RIMS2: variants seen among roughly 807,000 people sequenced by gnomAD.
RIMS2 encodes the protein regulating synaptic membrane exocytosis protein 2.
Under a neutral mutation model 174.4 loss-of-function variants are expected in RIMS2, and 59 were observed. The observed-to-expected ratio is 0.34, with a 90% confidence interval of 0.27 to 0.42. RIMS2 has a LOEUF of 0.42. RIMS2 is among the 10% of genes least tolerant of loss of function. RIMS2 has a pLI of 1.00. For missense variants in RIMS2, 1,620 were observed against 1,666.3 expected, an observed-to-expected ratio of 0.97 and a Z score of 0.48; for synonymous variants, 606 against 572.5, an observed-to-expected ratio of 1.06 and a Z score of -0.84.
At chr8:104,112,456 C>T (rs936403419) in intron 19 of RIMS2, among the ~76,000 whole-genome samples, 2 of 151,930 alleles carry the variant, frequency 1.3e-5, no homozygotes, top group Admixed American at 6.6e-5. Flanking sequence ...TACCTACATA[C>T]GTATATGATA....
Position 104,244,901 on chromosome 8 carries a change from T to C in RIMS2, c.3335-15T>C, listed in dbSNP as rs754298027. Reference sequence around the variant, plus strand: ...GATTACAAAGCTGTTACACTTTTTGTTTCTATCTCTGCAGAAGCAGGAGGT... The same window carrying C: ...GATTACAAAGCTGTTACACTTTTTGCTTCTATCTCTGCAGAAGCAGGAGGT... On this transcript the variant is annotated splice_polypyrimidine_tract_variant and intron_variant, in intron 19 of 23. Transcript: ENST00000504942. The C allele has an allele frequency of 6.2e-7, 1 of 1,610,684 alleles. No homozygotes were observed. The highest frequency in any genetic ancestry group is 8.5e-7 in the Non-Finnish European group (1 of 1,177,336).
intron 19 of RIMS2, among the ~76,000 whole-genome samples, chr8:104,188,192 G>T (rs2136231849): frequency 6.6e-6 from 1 of 151,386 alleles, no homozygotes; most frequent in South Asian, 2.1e-4. Flanking sequence ...AAGTAGGAAT[G>T]AAGAAGTGGG....
chr8:104,236,114 T>G (rs1162963784), intron 19 of RIMS2, among the ~76,000 whole-genome samples: 1 of 151,602 alleles, frequency 6.6e-6, no homozygotes, highest in Non-Finnish European at 1.5e-5. Flanking sequence ...TCCAGTAAAC[T>G]GGAGGTTAGA....
intron 19 of RIMS2, among the ~76,000 whole-genome samples, chr8:104,169,930 A>T (rs1217672719): frequency 2.6e-5 from 4 of 152,074 alleles, no homozygotes; most frequent in Non-Finnish European, 5.9e-5. Context: ...CCCAAAAATG[A>T]TTCAAGAGCA....
rs533698156 is a variant in RIMS2, at chr8:103,714,449, A to G, written c.387+17153A>G. 5.3e-5 allele frequency among the ~76,000 whole-genome samples: 8 copies of G among 152,266 alleles called. No individual in the cohort carries two copies. In the South Asian group the frequency reaches 1.7e-3, roughly 32 times the overall value. On this transcript the variant is annotated intron_variant, in intron 2 of 23. Transcript: ENST00000504942. ...GTGAAAGAGAGGTATTTTTGGGTTG[A>G]TTAGAGAAGGTAGTCAAGAAGTGAG...
chr8:103,874,955 T>C (rs1005118349), intron 3 of RIMS2, among the ~76,000 whole-genome samples: 2 of 152,034 alleles, frequency 1.3e-5, no homozygotes, highest in Admixed American at 6.6e-5. Flanking sequence ...AGCACCACAC[T>C]TTTTTTGTTT....
At chr8:104,175,016 C>A (rs1240984672) in intron 19 of RIMS2, among the ~76,000 whole-genome samples, 3 of 151,912 alleles carry the variant, frequency 2.0e-5, no homozygotes, top group Non-Finnish European at 4.4e-5. Flanking sequence ...AGATTTTAGT[C>A]ATTGACAAGT....
chr8:103,543,258 T>C (rs1843364937), intron 1 of RIMS2, among the ~76,000 whole-genome samples: 1 of 152,096 alleles, frequency 6.6e-6, no homozygotes, highest in South Asian at 2.1e-4. Flanking sequence ...CAAGAAAATA[T>C]CCTGTTTACA....
chr8:104,003,501 C>T (rs1365436795), intron 17 of RIMS2, among the ~76,000 whole-genome samples: 3 of 151,938 alleles, frequency 2.0e-5, no homozygotes, highest in African/African-American at 7.3e-5. Context: ...GCAACCTCCA[C>T]CTCCCAGGTT....
At chr8:103,627,161 G>A (rs1232808809) in intron 1 of RIMS2, among the ~76,000 whole-genome samples, 2 of 152,024 alleles carry the variant, frequency 1.3e-5, no homozygotes, top group Non-Finnish European at 1.5e-5. Context: ...CCTTCCCCAG[G>A]GTTTCAATTA....
chr8:103,963,593 C>T (rs572747065), intron 15 of RIMS2, among the ~76,000 whole-genome samples: 1 of 152,158 alleles, frequency 6.6e-6, no homozygotes, highest in East Asian at 1.9e-4. Context: ...GGAAGGTATA[C>T]AGATTTCCCA....
intron 1 of RIMS2, among the ~76,000 whole-genome samples, chr8:103,626,829 G>C (rs991451147): frequency 6.7e-6 from 1 of 148,480 alleles, no homozygotes; most frequent in Admixed American, 6.7e-5. Context: ...TAAAAGGGGA[G>C]GGGGGGTGTA....
intron 19 of RIMS2, among the ~76,000 whole-genome samples, chr8:104,088,274 G>A (rs575975122): frequency 6.6e-6 from 1 of 152,050 alleles, no homozygotes; most frequent in South Asian, 2.1e-4. Flanking sequence ...TTTCGATTAT[G>A]ACATGAAATA....
intron 1 of RIMS2, among the ~76,000 whole-genome samples, chr8:103,552,242 A>G (rs181692822): frequency 6.6e-6 from 1 of 152,220 alleles, no homozygotes; most frequent in Non-Finnish European, 1.5e-5. Flanking sequence ...TGGCACTGGT[A>G]CCAAAACAGA....
intron 19 of RIMS2, among the ~76,000 whole-genome samples, chr8:104,162,015 T>A (rs1431388040): frequency 6.6e-6 from 1 of 152,230 alleles, no homozygotes; most frequent in East Asian, 1.9e-4. Context: ...TAAGGGCTTA[T>A]GTAATTAGAT....
At chr8:104,040,026 T>A (rs2154557480) in intron 19 of RIMS2, among the ~76,000 whole-genome samples, 1 of 151,772 alleles carries the variant, frequency 6.6e-6, no homozygotes, top group Non-Finnish European at 1.5e-5. Context: ...ATGCTAAGAT[T>A]TCTGGTTTTT....
intron 19 of RIMS2, among the ~76,000 whole-genome samples, chr8:104,054,502 A>T (rs1017738470): frequency 4.6e-5 from 7 of 152,096 alleles, no homozygotes; most frequent in Admixed American, 4.6e-4. Context: ...ATCACTTTAT[A>T]AAAAAAATTT....
chr8:103,963,678 CA>C (rs1209156840), intron 15 of RIMS2, among the ~76,000 whole-genome samples: 4 of 152,142 alleles, frequency 2.6e-5, no homozygotes, highest in African/African-American at 9.7e-5. Context: ...ATGTTTGTTA[CA>C]ACTGATGAAC....
chr8:104,021,337 C>T (rs34369028), intron 19 of RIMS2, among the ~76,000 whole-genome samples: 16,630 of 152,034 alleles, frequency 0.11, 1,279 homozygotes, highest in East Asian at 0.28. Context: ...ATTCATAAGA[C>T]AATAAACATT....
Sources: allele counts gnomAD v4.1 joint callset (sites outside exome capture counted in the v4.1 genomes callset), GRCh38; gene constraint gnomAD v4.1.1; transcripts MANE v1.5; gene names NCBI Gene and HGNC (gene_info 2026-07-23, HGNC 2026-07-21).